The following EXOC6 variants were observed in gnomAD, a reference collection of about 807,000 sequenced individuals.
EXOC6 encodes the protein SEC15-like 1.
In EXOC6, 60 loss-of-function variants were observed where a neutral mutation model predicts 112.5. The ratio of observed to expected loss-of-function variants is 0.53; its 90% CI spans 0.43 to 0.66. The LOEUF is 0.66. EXOC6 is among the 30% of genes least tolerant of loss of function. The pLI, the probability that EXOC6 is intolerant of heterozygous loss-of-function variation, is 0.00. For missense variants in EXOC6, 855 were observed against 957.1 expected, an observed-to-expected ratio of 0.89 and a Z score of 1.41; for synonymous variants, 295 against 308.0, an observed-to-expected ratio of 0.96 and a Z score of 0.44.
intron 20 of EXOC6, among the ~76,000 whole-genome samples, chr10:93,049,060 A>ATT (rs1206244383): frequency 9.1e-4 from 130 of 143,000 alleles, no homozygotes; most frequent in African/African-American, 3.0e-3. Context: ...TAATAGCAGC[A>ATT]TTTTTTTTTT....
intron 20 of EXOC6, among the ~76,000 whole-genome samples, chr10:93,023,235 T>C (rs1413150609): frequency 6.6e-6 from 1 of 152,182 alleles, no homozygotes; most frequent in Non-Finnish European, 1.5e-5. Flanking sequence ...AAACTCCTGA[T>C]ATTTGCTGTT....
intron 20 of EXOC6, among the ~76,000 whole-genome samples, chr10:93,043,135 C>A (rs914740247): frequency 3.9e-5 from 6 of 151,952 alleles, no homozygotes; most frequent in Non-Finnish European, 7.4e-5. Flanking sequence ...CGGGGTTTCA[C>A]CATCTTGGCC....
Position 92,954,627 on chromosome 10 carries a change from T to A in EXOC6, c.1527-3T>A, listed in dbSNP as rs1413311417. ...GTTTAATAATATCAATCTTTGTTTT[T>A]AGCTCAACAGAAATAGACGATATGC... is the stretch of plus-strand genomic sequence containing the variant. On this transcript the variant is annotated splice_polypyrimidine_tract_variant and splice_region_variant and intron_variant, in intron 15 of 21. Coordinates refer to ENST00000260762, the MANE Select transcript of EXOC6 (RefSeq NM_019053.6). 4 of 1,508,790 alleles carry A rather than the reference T, an allele frequency of 2.7e-6. No individual in the cohort carries two copies. Among genetic ancestry groups the A allele is most frequent in the Non-Finnish European group, 3.7e-6 (4 of 1,093,782 alleles). 93.5% of individuals were successfully genotyped at this position (1,508,790 alleles called of 1,614,324 possible). A position where few individuals can be genotyped will look rare whatever the true frequency, so the allele number is the denominator to read the frequency against.
At chr10:92,872,861 TTTC>T (rs1327564320) in intron 1 of EXOC6, among the ~76,000 whole-genome samples, 1 of 152,146 alleles carries the variant, frequency 6.6e-6, no homozygotes, top group African/African-American at 2.4e-5. Flanking sequence ...CTTCAGTGAA[TTTC>T]TTCTTAACTG....
At chr10:92,903,966 C>T (rs984736997) in intron 5 of EXOC6, among the ~76,000 whole-genome samples, 2 of 152,054 alleles carry the variant, frequency 1.3e-5, no homozygotes, top group Admixed American at 6.6e-5. Context: ...CCATCCTTCC[C>T]TGCTGTGAAC....
rs1332894908 is a variant in EXOC6 at position 92,909,608 on chromosome 10, A to G, written c.640A>G (p.Ile214Val). ...AAGTATTCGAAAACATTCTGACAAA[A>G]TAGGTGAAACAGCAATGAAACAGGT... The part of the protein sequence containing the change: ...LESIRKHSDK[I>V]GETAMKQAQH... The change falls in exon 6 of 22, where the codon ATA becomes GTA. Residue 214 changes from isoleucine (I) to valine (V), a missense_variant. By Grantham distance (29) the Ile-to-Val change is conservative. Around this residue, in one of 2 missense-constraint regions of EXOC6, gnomAD observed 405 missense variants for 393.6 expected, o/e 1.03. Transcript: ENST00000260762. The G allele has an allele frequency of 6.2e-7, 1 of 1,609,962 alleles. No individual in the cohort carries two copies. The highest frequency in any genetic ancestry group is 2.2e-5 in the East Asian group (1 of 44,752).
intron 9 of EXOC6, among the ~76,000 whole-genome samples, chr10:92,931,304 GA>G (rs1466400394): frequency 6.6e-6 from 1 of 151,012 alleles, no homozygotes; most frequent in Non-Finnish European, 1.5e-5. Context: ...GTGTAGTACT[GA>G]GTTTACTAGA....
At chr10:92,876,834 C>G (rs1427574119) in intron 1 of EXOC6, among the ~76,000 whole-genome samples, 1 of 152,160 alleles carries the variant, frequency 6.6e-6, no homozygotes, top group African/African-American at 2.4e-5. Context: ...TATGCATGCC[C>G]CTTTTCATTT....
At chr10:92,916,619 C>G (rs1286137844) in intron 7 of EXOC6, among the ~76,000 whole-genome samples, 1 of 152,184 alleles carries the variant, frequency 6.6e-6, no homozygotes, top group Non-Finnish European at 1.5e-5. Flanking sequence ...GTGACACTCA[C>G]CAGTGAACTT....
chr10:93,047,167 A>G (rs1846033529), intron 20 of EXOC6, among the ~76,000 whole-genome samples: 1 of 152,220 alleles, frequency 6.6e-6, no homozygotes, highest in South Asian at 2.1e-4. Context: ...GGCAAAGGGA[A>G]TAGGCAAGAC....
intron 20 of EXOC6, among the ~76,000 whole-genome samples, chr10:93,024,990 A>C (rs542021527): frequency 6.6e-6 from 1 of 152,152 alleles, no homozygotes; most frequent in Non-Finnish European, 1.5e-5. Context: ...AAAAATACAA[A>C]TTGTATGTGT....
At chr10:92,910,775 A>AG (rs1850703597) in intron 6 of EXOC6, among the ~76,000 whole-genome samples, 1 of 152,068 alleles carries the variant, frequency 6.6e-6, no homozygotes, top group Non-Finnish European at 1.5e-5. Context: ...TAAAAATACA[A>AG]AAAATTAGCC....
In EXOC6 at chr10:92,855,234, T is replaced by A. The variant is rs191250175; in HGVS notation, c.101+6600T>A. ...TGCCTGGCATGAAAATTTTTTTTTT[T>A]AATTTATGTTTGAGACAGGATCTTG... is the stretch of plus-strand genomic sequence containing the variant. On this transcript the variant is annotated intron_variant, in intron 1 of 21. Transcript: ENST00000260762. Among the ~76,000 whole-genome samples the A allele has an allele frequency of 3.3e-3, 502 of 152,128 alleles. 2 individuals carry two copies. Among genetic ancestry groups the A allele is most frequent in the African/African-American group, 0.011 (472 of 41,492 alleles).
chr10:92,882,946 G>C (rs946845722), intron 1 of EXOC6, among the ~76,000 whole-genome samples: 2 of 152,198 alleles, frequency 1.3e-5, no homozygotes, highest in African/African-American at 4.8e-5. Context: ...TCTCAGTGTA[G>C]CTTCTCCTAC....
intron 17 of EXOC6, among the ~76,000 whole-genome samples, chr10:92,961,755 A>C (rs796478579): frequency 3.3e-5 from 5 of 150,680 alleles, no homozygotes; most frequent in African/African-American, 1.2e-4. Context: ...AATGCCACTT[A>C]TAAAGATCAT....
intron 17 of EXOC6, 24 bp from the exon 18 acceptor site, chr10:92,974,029 T>C (rs1218910370): frequency 1.6e-5 from 25 of 1,537,934 alleles, no homozygotes; most frequent in Non-Finnish European, 2.1e-5. Flanking sequence ...TTCTTGTCTT[T>C]GTTGTTATTT....
chr10:92,896,167 ATATATATATATATATTTTTTTTTTTT>A (rs1849787028), intron 4 of EXOC6, among the ~76,000 whole-genome samples: 3 of 23,460 alleles, frequency 1.3e-4, no homozygotes, highest in African/African-American at 6.4e-4. Context: ...ATATATATAT[ATATATATATATATATTTTTTTTTTTT>A]TTTTTTTTTT....
intron 17 of EXOC6, among the ~76,000 whole-genome samples, chr10:92,963,732 G>A (rs1854148100): frequency 6.6e-6 from 1 of 151,970 alleles, no homozygotes; most frequent in African/African-American, 2.4e-5. Flanking sequence ...GGGCTTAAGT[G>A]ATCTCCTGCC....
chr10:92,828,991 G>A (rs1418625444), intron 1 of EXOC6, among the ~76,000 whole-genome samples: 1 of 152,060 alleles, frequency 6.6e-6, no homozygotes, highest in East Asian at 1.9e-4. Context: ...TTCTAACAAA[G>A]AGGAGCCTGT....
Sources: gnomAD v4.1 joint callset for allele counts (sites outside exome capture counted in the v4.1 genomes callset) on GRCh38, gnomAD v4.1.1 for gene constraint, gnomAD v4.1.1 regional missense constraint, MANE v1.5 for transcripts, NCBI Gene and HGNC (gene_info 2026-07-23, HGNC 2026-07-21) for gene names.